PLCB1: variants seen among roughly 807,000 people sequenced by gnomAD.
The protein encoded by PLCB1 is phospholipase C beta 1, also known as 1-phosphatidylinositol 4,5-bisphosphate phosphodiesterase beta-1.
PLCB1 carries 46 observed loss-of-function variants against 161.8 expected under a neutral mutation model. The observed-to-expected ratio is 0.28, with a 90% CI of 0.22 to 0.36. The LOEUF (loss-of-function observed/expected upper bound fraction) is 0.36, where lower values mean the gene tolerates loss of function less well. PLCB1 is among the 10% of genes least tolerant of loss of function. The pLI is 1.00. For synonymous variants in PLCB1, 517 were observed against 503.7 expected, an observed-to-expected ratio of 1.03 and a Z score of -0.35; for missense variants, 1,016 against 1,472.5, an observed-to-expected ratio of 0.69 and a Z score of 5.07.
At chr20:8,781,996 T>C (rs950999394) in intron 27 of PLCB1, among the ~76,000 whole-genome samples, 2 of 152,148 alleles carry the variant, frequency 1.3e-5, no homozygotes, top group Admixed American at 6.6e-5. Context: ...CCACATTGAA[T>C]AGAAGCCTTG....
intron 2 of PLCB1, among the ~76,000 whole-genome samples, chr20:8,228,330 C>T (rs2123177112): frequency 6.6e-6 from 1 of 152,188 alleles, no homozygotes; most frequent in East Asian, 1.9e-4. Flanking sequence ...ACTCAGTCAC[C>T]AACCTTTATA....
chr20:8,628,976 T>C (rs1049164248), intron 4 of PLCB1, among the ~76,000 whole-genome samples: 3 of 152,072 alleles, frequency 2.0e-5, no homozygotes, highest in African/African-American at 7.2e-5. Context: ...GCATTTGATA[T>C]AGTTTCTTTG....
intron 9 of PLCB1, among the ~76,000 whole-genome samples, chr20:8,675,437 A>G (rs1385940856): frequency 1.3e-5 from 2 of 152,260 alleles, no homozygotes; most frequent in East Asian, 3.9e-4. Context: ...GTCACTGCAT[A>G]CTTCTCATTA....
intron 3 of PLCB1, among the ~76,000 whole-genome samples, chr20:8,490,865 TATATATATATATGTACAC>T (rs1193017210): frequency 7.3e-5 from 11 of 150,596 alleles, no homozygotes; most frequent in Non-Finnish European, 1.2e-4. Flanking sequence ...TATAGGCATA[TATATATATATATGTACAC>T]ATATCTATAT....
intron 3 of PLCB1, among the ~76,000 whole-genome samples, chr20:8,409,465 GTTA>G (rs1175783304): frequency 7.2e-6 from 1 of 138,884 alleles, no homozygotes; most frequent in Admixed American, 7.4e-5. Flanking sequence ...TATTATTATT[GTTA>G]TTATTAATTT....
chr20:8,408,003 A>T (rs1480602594), intron 3 of PLCB1, among the ~76,000 whole-genome samples: 1 of 152,166 alleles, frequency 6.6e-6, no homozygotes, highest in Non-Finnish European at 1.5e-5. Flanking sequence ...AGTAAATGCA[A>T]TGTGGTATCC....
rs1364657407 is a variant in PLCB1, at chr20:8,276,971, C to CTTATTA, written c.178-94409_178-94408insATTATT. Among the ~76,000 whole-genome samples the CTTATTA allele has an allele frequency of 4.8e-4, 52 of 108,182 alleles. 1 individual carries two copies. The highest frequency in any genetic ancestry group is 9.2e-4 in the South Asian group (3 of 3,246). 71.0% of individuals were successfully genotyped at this position (108,182 alleles called of 152,430 possible). A position where few individuals can be genotyped will look rare whatever the true frequency, so the allele number is the denominator to read the frequency against. On this transcript the variant is annotated intron_variant, in intron 2 of 31. Coordinates refer to ENST00000338037, the MANE Select transcript of PLCB1 (RefSeq NM_015192.4). Reference sequence around the variant, plus strand: ...TCTTCTTCTTCTTCTTCTTCTTCTTCTTCTTCTTCTTCTTCTTATTATTAT... The same window carrying CTTATTA: ...TCTTCTTCTTCTTCTTCTTCTTCTTCTTATTATTCTTCTTCTTCTTCTTATTATTAT...
intron 23 of PLCB1, among the ~76,000 whole-genome samples, chr20:8,744,501 G>A (rs910015980): frequency 3.3e-5 from 5 of 151,792 alleles, no homozygotes; most frequent in Non-Finnish European, 7.4e-5. Context: ...CCAGCTACTC[G>A]GGAGCCTGAG....
chr20:8,265,518 T>C (rs1053140387), intron 2 of PLCB1, among the ~76,000 whole-genome samples: 7 of 151,480 alleles, frequency 4.6e-5, no homozygotes, highest in Non-Finnish European at 7.4e-5. Context: ...ACAGGCATTT[T>C]TGTTATTTCA....
intron 3 of PLCB1, among the ~76,000 whole-genome samples, chr20:8,430,676 G>A (rs575160767): frequency 3.9e-4 from 59 of 152,288 alleles, no homozygotes; most frequent in African/African-American, 1.2e-3. Flanking sequence ...AAGAAGAGCC[G>A]GTACCATGGT....
chr20:8,458,530 A>G (rs1981429530), intron 3 of PLCB1, among the ~76,000 whole-genome samples: 2 of 152,224 alleles, frequency 1.3e-5, no homozygotes, highest in African/African-American at 4.8e-5. Flanking sequence ...AAGAGAAAGC[A>G]TACTTCTTTG....
At position 8,223,886 on chromosome 20, in the gene PLCB1, C is replaced by T. The variant is rs572069722; in HGVS notation, c.177+73515C>T. Among the ~76,000 whole-genome samples, 41 of 152,210 alleles carry T rather than the reference C, an allele frequency of 2.7e-4. No individual in the cohort carries two copies. The South Asian group carries it at 7.3e-3, about 27-fold the overall frequency. On this transcript the variant is annotated intron_variant, in intron 2 of 31. Coordinates refer to ENST00000338037, the MANE Select transcript of PLCB1 (RefSeq NM_015192.4). Reference sequence around the variant, plus strand: ...CCTCACCCCTACAGTGCTTGCTTGGCGTCTAGCAATTATGCACTAGAAAGC... The same window carrying T: ...CCTCACCCCTACAGTGCTTGCTTGGTGTCTAGCAATTATGCACTAGAAAGC...
At chr20:8,607,655 T>C (rs1987796018) in intron 3 of PLCB1, among the ~76,000 whole-genome samples, 2 of 152,186 alleles carry the variant, frequency 1.3e-5, no homozygotes, top group South Asian at 2.1e-4. Flanking sequence ...CCTTACCCCA[T>C]TTTATTTTCA....
intron 8 of PLCB1, 120 bp from the exon 9 acceptor site, chr20:8,658,418 A>T (rs1989525765): frequency 1.4e-6 from 1 of 700,362 alleles, no homozygotes; most frequent in Admixed American, 3.0e-5. Flanking sequence ...GCAAGATAGG[A>T]GTTTCAATAT....
chr20:8,754,946 A>C (rs1981667602), intron 23 of PLCB1, among the ~76,000 whole-genome samples: 1 of 152,158 alleles, frequency 6.6e-6, no homozygotes, highest in Admixed American at 6.5e-5. Flanking sequence ...TCTAGGGAGA[A>C]TTTTTCTGAT....
chr20:8,290,697 C>T (rs2123301483), intron 2 of PLCB1, among the ~76,000 whole-genome samples: 1 of 152,152 alleles, frequency 6.6e-6, no homozygotes, highest in South Asian at 2.1e-4. Flanking sequence ...TTACAATGTC[C>T]AAATATAAAC....
chr20:8,651,461 G>T (rs771263802), intron 7 of PLCB1: 2 of 727,744 alleles, frequency 2.7e-6, no homozygotes, highest in South Asian at 1.5e-5. Context: ...CTGTGGAAAG[G>T]CTCCCCCAAA....
chr20:8,165,315 C>G lies in PLCB1; in HGVS notation c.177+14944C>G, dbSNP rs191087853. Among the ~76,000 whole-genome samples the G allele has an allele frequency of 2.0e-3, 298 of 152,284 alleles. 1 individual carries two copies. Among genetic ancestry groups the G allele is most frequent in the South Asian group, 5.4e-3 (26 of 4,820 alleles). ...TAGAACTTATTAATAAACTGTTGTGCTGCAGACATTGTGCCAAGGTACCTT... is the reference window on the plus strand; with the variant it reads ...TAGAACTTATTAATAAACTGTTGTGGTGCAGACATTGTGCCAAGGTACCTT... On this transcript the variant is annotated intron_variant, in intron 2 of 31. Coordinates refer to ENST00000338037, the MANE Select transcript of PLCB1 (RefSeq NM_015192.4).
rs552044656 is a variant in PLCB1 at position 8,821,501 on chromosome 20, GTATATA to G, written c.3423+31292_3423+31297del. ...TCAAAAAAAAAAAAAAAAAAAATAT[GTATATA>G]TATATATATATATATATATATATAT... On this transcript the variant is annotated intron_variant, in intron 31 of 31. Coordinates refer to ENST00000338037, the MANE Select transcript of PLCB1 (RefSeq NM_015192.4). 2.2e-3 allele frequency among the ~76,000 whole-genome samples: 93 copies of G among 42,362 alleles called. 8 individuals carry two copies. The highest frequency in any genetic ancestry group is 2.8e-3 in the Non-Finnish European group (59 of 21,246). The allele number at this position is 42,362 out of a possible 152,430, so 27.8% of individuals were successfully genotyped here. A position where few individuals can be genotyped will look rare whatever the true frequency, so the allele number is the denominator to read the frequency against.
Sources: gnomAD v4.1 joint callset for allele counts (sites outside exome capture counted in the v4.1 genomes callset) on GRCh38, gnomAD v4.1.1 for gene constraint, MANE v1.5 for transcripts, NCBI Gene and HGNC (gene_info 2026-07-23, HGNC 2026-07-21) for gene names.